SYT16: variants seen among roughly 807,000 people sequenced by gnomAD.
SYT16 encodes synaptotagmin 16, also known as synaptotagmin-16.
Under a neutral mutation model 61.4 loss-of-function variants are expected in SYT16, and 42 were observed. The ratio of observed to expected loss-of-function variants is 0.68; its 90% confidence interval spans 0.53 to 0.89. The LOEUF (loss-of-function observed/expected upper bound fraction) is 0.89, where lower values mean the gene tolerates loss of function less well. SYT16 is among the 40% of genes least tolerant of loss of function. The pLI, the probability that SYT16 is intolerant of heterozygous loss-of-function variation, is 0.00. For missense variants in SYT16, 804 were observed against 807.3 expected (o/e 1.00, Z 0.05); for synonymous variants, 314 against 302.3 (o/e 1.04, Z -0.40).
At chr14:61,988,236 A>G (rs2052401311) in intron 2 of SYT16, among the ~76,000 whole-genome samples, 1 of 152,196 alleles carries the variant, frequency 6.6e-6, no homozygotes, top group African/African-American at 2.4e-5. Context: ...TTAAAAAGGC[A>G]AGTATAGTCT....
At chr14:62,059,205 C>CA (rs1445250613) in intron 3 of SYT16, among the ~76,000 whole-genome samples, 1 of 152,096 alleles carries the variant, frequency 6.6e-6, no homozygotes, top group Non-Finnish European at 1.5e-5. Flanking sequence ...AACCTGCACA[C>CA]GTACCCCTGA....
chr14:62,097,624 A>G (rs2057311622), intron 7 of SYT16, among the ~76,000 whole-genome samples: 1 of 152,130 alleles, frequency 6.6e-6, no homozygotes. Flanking sequence ...AACAATGAAC[A>G]TTTTCCTTCC....
At chr14:62,062,800 C>G (rs186601354) in intron 3 of SYT16, among the ~76,000 whole-genome samples, 28 of 152,166 alleles carry the variant, frequency 1.8e-4, no homozygotes, top group African/African-American at 6.5e-4. Flanking sequence ...GAAAGTAGCA[C>G]TCGGGTACTG....
Position 61,977,818 on chromosome 14 carries a change from G to T in SYT16, c.-145+7507G>T, listed in dbSNP as rs115617079. ...TTGGGGGATGTATTAGTTTCCTATG[G>T]CTGCCATAACAAATAACTACAAATT... On this transcript the variant is annotated intron_variant, in intron 2 of 7. Coordinates refer to ENST00000683842, the MANE Select transcript of SYT16 (RefSeq NM_001367656.1). 9.7e-3 allele frequency among the ~76,000 whole-genome samples: 1,473 copies of T among 152,140 alleles called. 18 individuals are homozygous for T. Among genetic ancestry groups the T allele is most frequent in the African/African-American group, 0.034 (1,418 of 41,492 alleles).
chr14:61,943,347 A>G (rs540959779), intron 1 of SYT16, among the ~76,000 whole-genome samples: 45 of 152,324 alleles, frequency 3.0e-4, no homozygotes, highest in African/African-American at 1.0e-3. Context: ...ATTCCGAACA[A>G]TAGAAAAAGA....
At chr14:61,833,970 A>ATTTTT (rs544826072) in intron 1 of SYT16, among the ~76,000 whole-genome samples, 1 of 117,290 alleles carries the variant, frequency 8.5e-6, no homozygotes, top group African/African-American at 3.2e-5. Context: ...TCTGGCTTTG[A>ATTTTT]TTTTTTTTTT....
intron 3 of SYT16, among the ~76,000 whole-genome samples, chr14:62,022,237 T>C (rs139582164): frequency 7.0e-4 from 107 of 152,306 alleles, no homozygotes; most frequent in Non-Finnish European, 1.3e-3. Context: ...AGTTTGCTGG[T>C]TATGAATTTC....
rs1385345132 is a variant in SYT16 at position 61,996,353 on chromosome 14, C to T, written c.334C>T (p.His112Tyr). The T allele has an allele frequency of 1.2e-6, 2 of 1,613,372 alleles. No homozygotes were observed. Among genetic ancestry groups the T allele is most frequent in the Non-Finnish European group, 1.7e-6 (2 of 1,179,582 alleles). Residue 112 changes from histidine (H) to tyrosine (Y), a missense_variant, in exon 3 of 8, where the codon CAT (histidine) becomes TAT (tyrosine). By Grantham distance (83) the His-to-Tyr change is moderately conservative. Coordinates refer to ENST00000683842, the MANE Select transcript of SYT16 (RefSeq NM_001367656.1). ...AAATTCAAGCCCAAGCCTTAGCCAA[C>T]ATGCAAAGGACTCATGTTCCACAAT... ...AQNSSPSLSQ[H>Y]AKDSCSTMSQ...
chr14:62,063,231 G>A (rs1175993758), intron 3 of SYT16, among the ~76,000 whole-genome samples: 1 of 152,172 alleles, frequency 6.6e-6, no homozygotes, highest in Non-Finnish European at 1.5e-5. Context: ...CCCTAATGGT[G>A]AGTTCTCAAA....
Position 62,069,390 on chromosome 14 carries a change from A to T in SYT16, c.524-213A>T, listed in dbSNP as rs945447579. ...ATGATTTGTCTTGGGTTCTAGCTATATACCGTATTTCTAATTACCTTCATG... is the reference window on the plus strand; with the variant it reads ...ATGATTTGTCTTGGGTTCTAGCTATTTACCGTATTTCTAATTACCTTCATG... On this transcript the variant is annotated intron_variant, in intron 3 of 7. Transcript: ENST00000683842. 3.1e-5 allele frequency: 18 copies of T among 574,692 alleles called. No homozygotes were observed. In the African/African-American group the frequency reaches 3.4e-4, roughly 11 times the overall value. The allele number at this position is 574,692 out of a possible 1,614,324, so 35.6% of individuals were successfully genotyped here. A position where few individuals can be genotyped will look rare whatever the true frequency, so the allele number is the denominator to read the frequency against.
At chr14:62,052,049 CT>C (rs1308962406) in intron 3 of SYT16, among the ~76,000 whole-genome samples, 1 of 152,114 alleles carries the variant, frequency 6.6e-6, no homozygotes, top group Non-Finnish European at 1.5e-5. Flanking sequence ...GTTATGTTTT[CT>C]TTATATTAAT....
intron 1 of SYT16, among the ~76,000 whole-genome samples, chr14:61,954,017 G>A (rs141735801): frequency 0.017 from 2,644 of 152,286 alleles, 45 homozygotes; most frequent in Non-Finnish European, 0.025. Context: ...TATTTCATTG[G>A]AAGGAGAACT....
chr14:62,080,561 G>A (rs1411931643), intron 5 of SYT16, among the ~76,000 whole-genome samples: 3 of 152,206 alleles, frequency 2.0e-5, no homozygotes, highest in Non-Finnish European at 2.9e-5. Flanking sequence ...TTGAGAGGCA[G>A]TATATATGAA....
chr14:61,850,105 GT>G (rs111811529), intron 1 of SYT16, among the ~76,000 whole-genome samples: 22,274 of 151,562 alleles, frequency 0.15, 1,720 homozygotes, highest in African/African-American at 0.21. Flanking sequence ...GTATCTCAGT[GT>G]GGTTTTAATT....
chr14:61,910,722 T>C lies in SYT16; in HGVS notation c.-324-59410T>C, dbSNP rs139276199. ...TCTTGTATTTTTAGTAGAGACAGGG[T>C]TTCACTATGTTGGCCAGGCTGGTCT... On this transcript the variant is annotated intron_variant, in intron 1 of 7. Transcript: ENST00000683842. Among the ~76,000 whole-genome samples the C allele has an allele frequency of 1.8e-3, 280 of 151,970 alleles. 2 individuals carry two copies. Among genetic ancestry groups the C allele is most frequent in the African/African-American group, 6.5e-3 (271 of 41,422 alleles).
At chr14:62,014,845 T>C (rs1053014720) in intron 3 of SYT16, among the ~76,000 whole-genome samples, 3 of 152,240 alleles carry the variant, frequency 2.0e-5, no homozygotes. Flanking sequence ...ACAAAAAGCC[T>C]TCCAGTACAA....
At chr14:61,941,071 G>T (rs1409970938) in intron 1 of SYT16, among the ~76,000 whole-genome samples, 1 of 152,174 alleles carries the variant, frequency 6.6e-6, no homozygotes, top group Non-Finnish European at 1.5e-5. Context: ...TGTTACAATG[G>T]GGAGGGGTAG....
At chr14:62,026,114 A>G (rs1427440809) in intron 3 of SYT16, among the ~76,000 whole-genome samples, 1 of 152,098 alleles carries the variant, frequency 6.6e-6, no homozygotes. Context: ...TGAGCCCTCA[A>G]AGTTTGGAGT....
In SYT16 at chr14:62,081,126, C is replaced by T. The variant is rs753437177; in HGVS notation, c.1286C>T (p.Ala429Val). 1.5e-5 allele frequency: 25 copies of T among 1,613,836 alleles called. No individual in the cohort carries two copies. The highest frequency in any genetic ancestry group is 3.3e-5 in the Admixed American group (2 of 59,986). The change falls in exon 6 of 8, where the codon GCT (alanine) becomes GTT (valine). Residue 429 changes from alanine to valine, a missense_variant. Transcript: ENST00000683842. ...TFAKLEPRDV[A>V]ACAVRFRLYA... ...GCCAAGCTGGAGCCCAGAGATGTGG[C>T]TGCCTGTGCTGTCCGCTTCCGCCTG...
Sources: gnomAD v4.1 joint callset for allele counts (sites outside exome capture counted in the v4.1 genomes callset) on GRCh38, gnomAD v4.1.1 for gene constraint, MANE v1.5 for transcripts, NCBI Gene and HGNC (gene_info 2026-07-23, HGNC 2026-07-21) for gene names.